The following PARP3 variants were observed in gnomAD, a reference collection of about 807,000 sequenced individuals.
The protein encoded by PARP3 is poly(ADP-ribose) polymerase family member 3.
A neutral mutation model predicts 58.2 loss-of-function variants in PARP3; 46 were observed. That is an observed-to-expected ratio of 0.79 (90% confidence interval 0.62 to 1.01). The LOEUF (loss-of-function observed/expected upper bound fraction) is 1.01, where lower values mean the gene tolerates loss of function less well. Ranked by LOEUF, PARP3 falls within the 50% of genes least tolerant of loss-of-function variation. The pLI is 0.00. For missense variants in PARP3, 663 were observed against 683.9 expected (o/e 0.97, Z 0.34); for synonymous variants, 252 against 266.4 (o/e 0.95, Z 0.53).
rs576950398 is a variant in PARP3, at chr3:51,946,216, G to C, written c.1149G>C (p.Trp383Cys). Residue 383 changes from tryptophan to cysteine, a missense_variant, in exon 9 of 11, where the codon TGG (tryptophan) becomes TGC (cysteine). By Grantham distance (215) the Trp-to-Cys change is radical. Around this residue, in one of 3 missense-constraint regions of PARP3, gnomAD observed 567 missense variants for 553.6 expected, o/e 1.02. Transcript: ENST00000398755. This position sits in a 1 kb window ranked among gnomAD's most constrained non-coding sequence, Gnocchi z 4.6. ...AACTGGGTAATCGGAAGCTGCTGTG[G>C]CATGGCACCAACATGGCCGTGGTGG... ...HSKLGNRKLLWHGTNMAVVAA... is the reference protein window; with the variant it reads ...HSKLGNRKLLCHGTNMAVVAA... 3.4e-4 allele frequency: 546 copies of C among 1,613,256 alleles called. 4 individuals are homozygous for C. In the South Asian group the frequency reaches 5.8e-3, roughly 17 times the overall value.
intron 7 of PARP3, 56 bp from the exon 8 acceptor site, chr3:51,945,797 G>A (rs1699663038): frequency 6.5e-7 from 1 of 1,548,850 alleles, no homozygotes; most frequent in Non-Finnish European, 8.9e-7. Flanking sequence ...GAAGAAAAAT[G>A]GGGGATTAGC....
intron 10 of PARP3, 60 bp downstream of exon 10, chr3:51,947,955 ACATTTTC>A: frequency 6.5e-7 from 1 of 1,531,414 alleles, no homozygotes; most frequent in Non-Finnish European, 8.9e-7. Context: ...AGGGGCTGGG[ACATTTTC>A]AGGGAGGGGG....
intron 9 of PARP3, chr3:51,947,506 G>C (rs561111054): frequency 6.7e-5 from 37 of 551,858 alleles, no homozygotes; most frequent in African/African-American, 6.4e-4. Flanking sequence ...GTCACTGGGA[G>C]GCCATTGCTG....
intron 2 of PARP3, 67 bp downstream of exon 2, chr3:51,943,605 C>A: frequency 1.4e-6 from 2 of 1,423,402 alleles, no homozygotes; most frequent in East Asian, 2.4e-5. Context: ...CCCAGGCCAC[C>A]CCCTTAGGAC....
rs1699728502 is a variant in PARP3 at position 51,948,327 on chromosome 3, T to G, written c.1449T>G (p.Thr483=). The change falls in exon 11 of 11, where the codon ACT becomes ACG. Residue 483 remains threonine (T), a synonymous_variant. Coordinates refer to ENST00000398755, the MANE Select transcript of PARP3 (RefSeq NM_001003931.4). ...GCCCTGCAGATCCGACCCAGGACACTGAGTTGGAGCTGGATGGCCAGCAAG... is the reference window on the plus strand; with the variant it reads ...GCCCTGCAGATCCGACCCAGGACACGGAGTTGGAGCTGGATGGCCAGCAAG... ...GHTEPDPTQD[T]ELELDGQQVV... is the part of the protein sequence containing the mutation. 6.2e-7 allele frequency: 1 copy of G among 1,613,802 alleles called. No homozygotes were observed. The highest frequency in any genetic ancestry group is 8.5e-7 in the Non-Finnish European group (1 of 1,179,802).
rs370552705 is a variant in PARP3, at chr3:51,944,748, C to T, written c.502-30C>T. The T allele has an allele frequency of 5.6e-6, 9 of 1,593,896 alleles. No homozygotes were observed. Among genetic ancestry groups the T allele is most frequent in the Non-Finnish European group, 7.7e-6 (9 of 1,169,812 alleles). ...TCTGGTGTCACGCCCTGCCCCGCTGCTCCTGCCCACATGTGCCCTCTATCT... is the reference window on the plus strand; with the variant it reads ...TCTGGTGTCACGCCCTGCCCCGCTGTTCCTGCCCACATGTGCCCTCTATCT... On this transcript the variant is annotated intron_variant, in intron 4 of 10. Transcript: ENST00000398755. This position sits in a 1 kb window ranked among gnomAD's most constrained non-coding sequence, Gnocchi z 4.2.
In PARP3 at chr3:51,947,954, G is replaced by T. The variant is rs367818512; in HGVS notation, c.1432+59G>T. ...GAGGTGGGGCCGAGATAGGGGCTGG[G>T]ACATTTTCAGGGAGGGGGCTGTGAA... is the stretch of plus-strand genomic sequence containing the variant. On this transcript the variant is annotated intron_variant, in intron 10 of 10. Transcript: ENST00000398755. The T allele has an allele frequency of 9.7e-4, 1,493 of 1,532,066 alleles. 1 individual carries two copies. Among genetic ancestry groups the T allele is most frequent in the Non-Finnish European group, 1.2e-3 (1,321 of 1,118,860 alleles). The allele number at this position is 1,532,066 out of a possible 1,614,324, so 94.9% of individuals were successfully genotyped here.
At chr3:51,947,999 C>A in intron 10 of PARP3, 104 bp downstream of exon 10, 2 of 1,161,022 alleles carry the variant, frequency 1.7e-6, no homozygotes, top group Non-Finnish European at 2.5e-6. Flanking sequence ...AAAGAAGCTT[C>A]CCTGTCGTCA....
chr3:51,947,399 G>A (rs1220559642), intron 9 of PARP3, among the ~76,000 whole-genome samples: 3 of 152,082 alleles, frequency 2.0e-5, no homozygotes, highest in Non-Finnish European at 2.9e-5. Context: ...GGAGGGCTTA[G>A]GAGAGCCAGC....
At chr3:51,943,000 AAGAG>A in intron 1 of PARP3, 1 of 1,400,420 alleles carries the variant, frequency 7.1e-7, no homozygotes, top group Non-Finnish European at 9.3e-7. Context: ...CCCGAAGTGG[AAGAG>A]AGAGAGCCTC....
Position 51,944,087 on chromosome 3 carries a change from A to T in PARP3, c.184-2A>T, listed in dbSNP as rs1225821520. ...CTGCCCCCCACCTCCCCTCTGGCCC[A>T]GGTGTATGAGGACTACAACTGCACC... is the stretch of plus-strand genomic sequence containing the variant. On this transcript the variant is annotated splice_acceptor_variant, in intron 2 of 10. Transcript: ENST00000398755. LOFTEE classifies it high-confidence loss of function. The surrounding 1 kb of genome is among the most constrained non-coding windows in gnomAD (Gnocchi z 4.2). 6.2e-7 allele frequency: 1 copy of T among 1,606,180 alleles called. No individual in the cohort carries two copies. Among genetic ancestry groups the T allele is most frequent in the South Asian group, 1.1e-5 (1 of 90,194 alleles).
intron 1 of PARP3, 57 bp from the exon 2 acceptor site, chr3:51,943,297 G>A: frequency 6.8e-7 from 1 of 1,466,572 alleles, no homozygotes; most frequent in South Asian, 1.3e-5. Context: ...CTGAGAGTGG[G>A]TCGTTGGGGA....
rs1358142426 is a variant in PARP3, at chr3:51,944,722, G to C, written c.502-56G>C. The C allele has an allele frequency of 6.3e-7, 1 of 1,579,262 alleles. No individual in the cohort carries two copies. The highest frequency in any genetic ancestry group is 8.6e-7 in the Non-Finnish European group (1 of 1,161,772). On this transcript the variant is annotated intron_variant, in intron 4 of 10. Coordinates refer to ENST00000398755, the MANE Select transcript of PARP3 (RefSeq NM_001003931.4). This position sits in a 1 kb window ranked among gnomAD's most constrained non-coding sequence, Gnocchi z 4.2. ...TCTGGCCTCAGGCTGGCTGGTCTCT[G>C]TCTGGTGTCACGCCCTGCCCCGCTG...
Position 51,947,877 on chromosome 3 carries a change from C to G in PARP3, c.1414C>G (p.Arg472Gly), listed in dbSNP as rs201544821. The change falls in exon 10 of 11, where the codon CGA becomes GGA. Residue 472 changes from arginine to glycine, a missense_variant. This residue lies in a region of PARP3 where 88 missense variants were observed against 109.1 expected (regional missense o/e 0.81). Coordinates refer to ENST00000398755, the MANE Select transcript of PARP3 (RefSeq NM_001003931.4). Reference protein sequence around the residue: ...PPPGFDSVIARGHTEPDPTQD... With the variant: ...PPPGFDSVIAGGHTEPDPTQD... ...TCCTGGCTTCGACAGTGTCATTGCC[C>G]GAGGCCACACCGAGCCTGGTGAGTC... The G allele has an allele frequency of 2.4e-5, 39 of 1,613,784 alleles. No individual in the cohort carries two copies. The highest frequency in any genetic ancestry group is 3.3e-5 in the Admixed American group (2 of 59,990).
Position 51,943,468 on chromosome 3 carries a change from C to G in PARP3, c.113C>G (p.Ala38Gly). ...PFRSTAEALK[A>G]IPAEKRIIRV... ...CGCTCCACCGCTGAGGCCCTCAAGG[C>G]CATACCCGCAGAGAAGCGCATAATC... The change falls in exon 2 of 11, where the codon GCC becomes GGC. Residue 38 changes from alanine to glycine, a missense_variant. Ala to Gly is a moderately conservative substitution (Grantham distance 60, BLOSUM62 0). Transcript: ENST00000398755. The G allele has an allele frequency of 6.2e-7, 1 of 1,610,466 alleles. No individual in the cohort carries two copies. The highest frequency in any genetic ancestry group is 8.5e-7 in the Non-Finnish European group (1 of 1,178,896).
chr3:51,943,194 C>A, intron 1 of PARP3, 160 bp from the exon 2 acceptor site: 1 of 927,920 alleles, frequency 1.1e-6, no homozygotes, highest in Non-Finnish European at 1.6e-6. Context: ...GGAATGCCGT[C>A]AGAGTGGACA....
Position 51,947,868 on chromosome 3 carries a change from G to A in PARP3, c.1405G>A (p.Val469Ile). ...LKSPPPGFDS[V>I]IARGHTEPDP... ...GAGCCCACCTCCTGGCTTCGACAGT[G>A]TCATTGCCCGAGGCCACACCGAGCC... Residue 469 changes from valine (V) to isoleucine (I), a missense_variant, in exon 10 of 11, where the codon GTC becomes ATC. Transcript: ENST00000398755. 6.2e-7 allele frequency: 1 copy of A among 1,614,068 alleles called. No homozygotes were observed. Among genetic ancestry groups the A allele is most frequent in the Non-Finnish European group, 8.5e-7 (1 of 1,180,036 alleles).
In PARP3 at chr3:51,943,369, C is replaced by A; in HGVS notation, c.14C>A (p.Pro5Gln). Residue 5 changes from proline to glutamine, a missense_variant, in exon 2 of 11, where the codon CCG becomes CAG. Coordinates refer to ENST00000398755, the MANE Select transcript of PARP3 (RefSeq NM_001003931.4). ...CCCAGGACAGCCATGGCTCCAAAGC[C>A]GAAGCCCTGGGTACAGACTGAGGGC... MAPK[P>Q]KPWVQTEGPE... The A allele has an allele frequency of 6.3e-7, 1 of 1,585,842 alleles. No homozygotes were observed. The highest frequency in any genetic ancestry group is 8.6e-7 in the Non-Finnish European group (1 of 1,167,132).
chr3:51,945,835 C>A lies in PARP3; in HGVS notation c.1012-18C>A. 6.2e-7 allele frequency: 1 copy of A among 1,610,460 alleles called. No individual in the cohort carries two copies. Among genetic ancestry groups the A allele is most frequent in the Non-Finnish European group, 8.5e-7 (1 of 1,176,750 alleles). On this transcript the variant is annotated intron_variant, in intron 7 of 10. Coordinates refer to ENST00000398755, the MANE Select transcript of PARP3 (RefSeq NM_001003931.4). ...CTGAGCCTCCCACCCTGGCAACCAG[C>A]TTCTGCTCTCCCCACAGGTGATACA...
Sources: allele counts gnomAD v4.1 joint callset (sites outside exome capture counted in the v4.1 genomes callset), GRCh38; gene constraint gnomAD v4.1.1; regional missense constraint gnomAD v4.1.1; non-coding constraint Gnocchi (gnomAD v3.1); transcripts MANE v1.5; gene names NCBI Gene and HGNC (gene_info 2026-07-23, HGNC 2026-07-21).